FRMD4A: variants seen among roughly 807,000 people sequenced by gnomAD.
The protein encoded by FRMD4A is FERM domain containing 4A, also known as FERM domain-containing protein 4A.
FRMD4A carries 29 observed loss-of-function variants against 129.1 expected under a neutral mutation model. That is an observed-to-expected ratio of 0.22 (90% CI 0.17 to 0.31). The LOEUF is 0.31. Ranked by LOEUF, FRMD4A falls within the 10% of genes least tolerant of loss-of-function variation. The pLI is 1.00. For missense variants in FRMD4A, 1,272 were observed against 1,375.8 expected, an observed-to-expected ratio of 0.92 and a Z score of 1.19; for synonymous variants, 634 against 571.6, an observed-to-expected ratio of 1.11 and a Z score of -1.56.
chr10:13,810,048 C>A (rs78322389), intron 4 of FRMD4A, among the ~76,000 whole-genome samples: 182 of 152,248 alleles, frequency 1.2e-3, no homozygotes, highest in African/African-American at 4.3e-3. Flanking sequence ...TTTAGGAAAT[C>A]ATCTCTGTAT....
intron 21 of FRMD4A, among the ~76,000 whole-genome samples, chr10:13,658,480 C>T (rs1403875107): frequency 6.6e-6 from 1 of 152,238 alleles, no homozygotes; most frequent in African/African-American, 2.4e-5. Flanking sequence ...AGCGGCCCCA[C>T]GGGCCAAGCA....
At position 13,939,349 on chromosome 10, in the gene FRMD4A, A is replaced by G. The variant is rs577816308; in HGVS notation, c.46-80437T>C. Among the ~76,000 whole-genome samples, 10 of 152,270 alleles carry G rather than the reference A, an allele frequency of 6.6e-5. No homozygotes were observed. In the South Asian group the frequency reaches 2.1e-3, roughly 32 times the overall value. ...CCAATGCAATTTTCCTCTATTTTTCATAAGGTAAAAGCTGTAATGCATTAT... is the reference window on the plus strand; with the variant it reads ...CCAATGCAATTTTCCTCTATTTTTCGTAAGGTAAAAGCTGTAATGCATTAT... On this transcript the variant is annotated intron_variant, in intron 2 of 24. Transcript: ENST00000357447.
rs75483324 is a variant in FRMD4A, at chr10:14,249,800, C to T, written c.45+80258G>A. Among the ~76,000 whole-genome samples, 676 of 152,180 alleles carry T rather than the reference C, an allele frequency of 4.4e-3. 2 individuals are homozygous for T. Among genetic ancestry groups the T allele is most frequent in the Non-Finnish European group, 7.1e-3 (485 of 68,012 alleles). Reference sequence around the variant, plus strand: ...GGATGGAAGACAAAGCAGTCATTCACGAAATCCTAAGTGGAAAAAACGAGA... The same window carrying T: ...GGATGGAAGACAAAGCAGTCATTCATGAAATCCTAAGTGGAAAAAACGAGA... On this transcript the variant is annotated intron_variant, in intron 2 of 24. Coordinates refer to ENST00000357447, the MANE Select transcript of FRMD4A (RefSeq NM_018027.5).
chr10:13,845,355 G>A (rs902627125), intron 3 of FRMD4A, among the ~76,000 whole-genome samples: 2 of 152,128 alleles, frequency 1.3e-5, no homozygotes, highest in South Asian at 2.1e-4. Context: ...CTGGAAGGTT[G>A]GGCAGTTAAG....
chr10:13,795,239 T>C (rs915708003), intron 5 of FRMD4A, among the ~76,000 whole-genome samples: 6 of 152,366 alleles, frequency 3.9e-5, no homozygotes, highest in South Asian at 2.1e-4. Flanking sequence ...TTGCTTTATA[T>C]GGTTGCTTTG....
intron 4 of FRMD4A, among the ~76,000 whole-genome samples, chr10:13,808,056 C>T (rs1304873712): frequency 2.6e-5 from 4 of 152,158 alleles, no homozygotes; most frequent in African/African-American, 9.7e-5. Context: ...ACCTCAGCCT[C>T]CCAAAGTGCT....
chr10:13,660,706 G>A (rs1399078008), intron 19 of FRMD4A, among the ~76,000 whole-genome samples, 153 bp from the exon 20 acceptor site: 1 of 152,124 alleles, frequency 6.6e-6, no homozygotes, highest in Non-Finnish European at 1.5e-5. Flanking sequence ...CTCTTCCCCA[G>A]TTGCCAAGAC....
chr10:13,983,312 C>G (rs557295038), intron 2 of FRMD4A, among the ~76,000 whole-genome samples: 1 of 151,978 alleles, frequency 6.6e-6, no homozygotes, highest in South Asian at 2.1e-4. Flanking sequence ...TCCCCTGAGC[C>G]GAGGCAACCG....
rs74668315 is a variant in FRMD4A, at chr10:14,299,240, G to A, written c.45+30818C>T. ...AAGTGTCCATAAAAAAGAACAGTCTGCTTTGCTTTGTTCCAGGTGCATTTT... is the reference window on the plus strand; with the variant it reads ...AAGTGTCCATAAAAAAGAACAGTCTACTTTGCTTTGTTCCAGGTGCATTTT... On this transcript the variant is annotated intron_variant, in intron 2 of 24. Coordinates refer to ENST00000357447, the MANE Select transcript of FRMD4A (RefSeq NM_018027.5). 4.8e-3 allele frequency among the ~76,000 whole-genome samples: 727 copies of A among 152,296 alleles called. 1 individual carries two copies. Among genetic ancestry groups the A allele is most frequent in the Non-Finnish European group, 7.5e-3 (511 of 68,030 alleles).
At chr10:14,181,332 C>G (rs745677766) in intron 2 of FRMD4A, among the ~76,000 whole-genome samples, 4 of 151,746 alleles carry the variant, frequency 2.6e-5, no homozygotes, top group Non-Finnish European at 5.9e-5. Context: ...GTACTTTTGT[C>G]AAGAGGGAGA....
intron 2 of FRMD4A, among the ~76,000 whole-genome samples, chr10:14,055,992 T>C (rs575177129): frequency 4.8e-4 from 73 of 152,332 alleles, no homozygotes; most frequent in African/African-American, 1.7e-3. Flanking sequence ...CAGAGTGCAG[T>C]GGCGCGATCT....
chr10:14,005,310 T>C (rs111768939), intron 2 of FRMD4A, among the ~76,000 whole-genome samples: 1 of 152,054 alleles, frequency 6.6e-6, no homozygotes, highest in East Asian at 1.9e-4. Context: ...GTGTGAGCCA[T>C]CACACCCAGT....
At chr10:14,194,503 C>T (rs1011118947) in intron 2 of FRMD4A, among the ~76,000 whole-genome samples, 10 of 152,162 alleles carry the variant, frequency 6.6e-5, no homozygotes, top group African/African-American at 2.2e-4. Flanking sequence ...CCCAGCTACT[C>T]GGGAGGCTGA....
intron 15 of FRMD4A, among the ~76,000 whole-genome samples, chr10:13,680,300 A>C (rs1029981847): frequency 1.3e-5 from 2 of 152,148 alleles, no homozygotes; most frequent in African/African-American, 2.4e-5. Context: ...CTACAAAAAC[A>C]AAACCAAACC....
At chr10:13,734,287 T>C (rs2090493915) in intron 12 of FRMD4A, among the ~76,000 whole-genome samples, 1 of 152,176 alleles carries the variant, frequency 6.6e-6, no homozygotes, top group African/African-American at 2.4e-5. Context: ...AGTCTTGTCC[T>C]GGGTTTTTCC....
chr10:13,688,414 G>A (rs2085313234), intron 15 of FRMD4A, among the ~76,000 whole-genome samples: 2 of 152,092 alleles, frequency 1.3e-5, no homozygotes, highest in Non-Finnish European at 2.9e-5. Context: ...GACAGGGGGA[G>A]GGATAGCATT....
At chr10:14,255,594 G>T (rs182321445) in intron 2 of FRMD4A, among the ~76,000 whole-genome samples, 2 of 152,328 alleles carry the variant, frequency 1.3e-5, no homozygotes, top group Admixed American at 1.3e-4. Flanking sequence ...CAGATGCTGA[G>T]AATTAAGCTA....
chr10:14,219,693 A>G (rs1843184776), intron 2 of FRMD4A, among the ~76,000 whole-genome samples: 1 of 152,190 alleles, frequency 6.6e-6, no homozygotes, highest in Admixed American at 6.5e-5. Context: ...GCCCCATGTA[A>G]CACCTTCAGA....
intron 2 of FRMD4A, among the ~76,000 whole-genome samples, chr10:14,214,787 A>G (rs1232658763): frequency 1.3e-5 from 2 of 152,226 alleles, no homozygotes; most frequent in Non-Finnish European, 2.9e-5. Flanking sequence ...CATTCTGTGA[A>G]ATATAGAAAG....
Sources: allele counts gnomAD v4.1 joint callset (sites outside exome capture counted in the v4.1 genomes callset), GRCh38; gene constraint gnomAD v4.1.1; transcripts MANE v1.5; gene names NCBI Gene and HGNC (gene_info 2026-07-23, HGNC 2026-07-21).